The following CIB1 variants were observed in gnomAD, a reference collection of about 807,000 sequenced individuals.
The protein encoded by CIB1 is calcium and integrin-binding protein 1.
CIB1 carries 19 observed loss-of-function variants against 25.0 expected under a neutral mutation model. That is an observed-to-expected ratio of 0.76 (90% confidence interval 0.53 to 1.12). CIB1 has a LOEUF of 1.12. Among genes scored for constraint, CIB1 ranks in the 50% most tolerant of loss-of-function variants. The pLI is 0.00. For missense variants in CIB1, 236 were observed against 242.6 expected (o/e 0.97, Z 0.18); for synonymous variants, 104 against 98.5 (o/e 1.06, Z -0.33).
the CIB1 span, among the ~76,000 whole-genome samples, chr15:90,240,631 G>A: frequency 1.3e-5 from 2 of 152,088 alleles, no homozygotes; most frequent in Middle Eastern, 3.2e-3. Flanking sequence ...TGGCCAACAT[G>A]GTGAAACACC....
the CIB1 span, chr15:90,242,446 T>TTC: frequency 9.8e-6 from 1 of 102,128 alleles, no homozygotes; most frequent in Non-Finnish European, 1.7e-5. Flanking sequence ...TTTTTTTTTT[T>TTC]TTTTTTTTTT....
At chr15:90,257,208 G>C in the CIB1 span, 1 of 1,613,452 alleles carries the variant, frequency 6.2e-7, no homozygotes, top group African/African-American at 1.3e-5. Flanking sequence ...GACCCTCTCC[G>C]GATCTTCACA....
the CIB1 span, chr15:90,241,176 G>C: frequency 1.2e-6 from 2 of 1,614,192 alleles, no homozygotes; most frequent in African/African-American, 1.3e-5. Context: ...AATCCTCCCT[G>C]GTGCTGTGGG....
At chr15:90,249,447 C>T in the CIB1 span, 2 of 152,268 alleles carry the variant, frequency 1.3e-5, no homozygotes, top group South Asian at 2.1e-4. Context: ...AAGGTAGCCT[C>T]GGCCCGCGCC....
the CIB1 span, chr15:90,258,812 G>C: frequency 6.2e-7 from 1 of 1,614,202 alleles, no homozygotes; most frequent in Non-Finnish European, 8.5e-7. Flanking sequence ...ACTTCTCTGT[G>C]ATGCTATGAC....
chr15:90,258,066 C>T, the CIB1 span: 1 of 1,614,184 alleles, frequency 6.2e-7, no homozygotes, highest in Non-Finnish European at 8.5e-7. Flanking sequence ...CATCTGGCTG[C>T]AAGAGCACAG....
At chr15:90,233,992 T>C, upstream of CIB1, 1 of 1,262,920 alleles carries the variant, frequency 7.9e-7, no homozygotes, top group East Asian at 2.8e-5. Flanking sequence ...CAACCGCTCC[T>C]GGGGCCACCA....
the CIB1 span, chr15:90,262,348 T>A: frequency 1.8e-6 from 2 of 1,139,668 alleles, no homozygotes; most frequent in Admixed American, 3.0e-5. Flanking sequence ...GTTTAGTAGG[T>A]TTCCTATCTT....
At chr15:90,242,714 TG>T in the CIB1 span, 2 of 152,594 alleles carry the variant, frequency 1.3e-5, no homozygotes, top group African/African-American at 4.8e-5. Context: ...CCCAAAGTGC[TG>T]GGATTACAGG....
At chr15:90,262,624 C>T in the CIB1 span, 1 of 1,521,932 alleles carries the variant, frequency 6.6e-7, no homozygotes, top group Admixed American at 2.1e-5. Flanking sequence ...GGCTCCAGAG[C>T]CTTTCCACCC....
chr15:90,241,950 A>G, the CIB1 span: 1 of 1,614,206 alleles, frequency 6.2e-7, no homozygotes, highest in East Asian at 2.2e-5. Flanking sequence ...CCAGGACTTC[A>G]GCAGCCTGAC....
At chr15:90,233,564 C>G (rs1000076565) in intron 2 of CIB1, 105 bp downstream of exon 2, 1 of 1,401,802 alleles carries the variant, frequency 7.1e-7, no homozygotes. Flanking sequence ...GCTCCCGCTC[C>G]TCTGCAGACC....
the CIB1 span, among the ~76,000 whole-genome samples, chr15:90,256,740 G>C: frequency 6.6e-6 from 1 of 151,180 alleles, no homozygotes; most frequent in Admixed American, 6.6e-5. Context: ...CCAGGCTGGA[G>C]TGCAGCGGCA....
At chr15:90,262,832 T>C in the CIB1 span, 1 of 1,243,852 alleles carries the variant, frequency 8.0e-7, no homozygotes, top group Non-Finnish European at 1.1e-6. Flanking sequence ...AGTGAGAGAA[T>C]GGACAGCAAA....
the CIB1 span, chr15:90,251,606 G>C: frequency 6.2e-7 from 1 of 1,613,638 alleles, no homozygotes; most frequent in Non-Finnish European, 8.5e-7. Flanking sequence ...TAAGCACCCA[G>C]CCCGTCGCTC....
chr15:90,253,904 G>A, the CIB1 span, among the ~76,000 whole-genome samples: 29 of 152,300 alleles, frequency 1.9e-4, no homozygotes, highest in South Asian at 5.8e-3. Flanking sequence ...AGAGTCTGCA[G>A]GCTTATTCTT....
chr15:90,259,125 G>T, the CIB1 span: 1 of 1,280,650 alleles, frequency 7.8e-7, no homozygotes, highest in Non-Finnish European at 1.0e-6. Context: ...CACTTTGGGA[G>T]GCTGAGGCAG....
the CIB1 span, chr15:90,241,119 G>T: frequency 6.2e-7 from 1 of 1,614,176 alleles, no homozygotes; most frequent in Non-Finnish European, 8.5e-7. Flanking sequence ...GAAGCAGCGG[G>T]TGGAGCTGGG....
upstream of CIB1, among the ~76,000 whole-genome samples, chr15:90,235,606 C>T (rs746184260): frequency 1.3e-5 from 2 of 151,860 alleles, no homozygotes; most frequent in African/African-American, 2.4e-5. Context: ...CTCGCTGTGT[C>T]GCCTAGGCTG....
Sources: gnomAD v4.1 joint callset for allele counts (sites outside exome capture counted in the v4.1 genomes callset) on GRCh38, gnomAD v4.1.1 for gene constraint, MANE v1.5 for transcripts, NCBI Gene and HGNC (gene_info 2026-07-23, HGNC 2026-07-21) for gene names.